MACROD2: variants seen among roughly 807,000 people sequenced by gnomAD.
MACROD2 encodes the protein mono-ADP ribosylhydrolase 2.
In MACROD2, 36 loss-of-function variants were observed where a neutral mutation model predicts 70.4. The observed-to-expected ratio is 0.51, with a 90% CI of 0.39 to 0.68. MACROD2 has a LOEUF of 0.68. Ranked by LOEUF, MACROD2 falls within the 30% of genes least tolerant of loss-of-function variation. MACROD2 has a pLI of 0.00. For synonymous variants in MACROD2, 172 were observed against 178.8 expected (o/e 0.96, Z 0.30); for missense variants, 496 against 538.4 (o/e 0.92, Z 0.78).
intron 15 of MACROD2, among the ~76,000 whole-genome samples, chr20:15,998,407 T>C (rs1028527990): frequency 7.2e-5 from 11 of 152,192 alleles, no homozygotes; most frequent in African/African-American, 2.7e-4. Context: ...TCAGCCATGT[T>C]AGATTGTATG....
intron 5 of MACROD2, among the ~76,000 whole-genome samples, chr20:14,833,170 C>T (rs2072990886): frequency 6.6e-6 from 1 of 152,148 alleles, no homozygotes; most frequent in Admixed American, 6.5e-5. Flanking sequence ...TTGCACTGCA[C>T]AGGTCCAAAG....
At chr20:14,082,233 C>CAGTG (rs991489870) in intron 2 of MACROD2, among the ~76,000 whole-genome samples, 6 of 119,534 alleles carry the variant, frequency 5.0e-5, no homozygotes, top group African/African-American at 2.0e-4. Flanking sequence ...GGCTGGAGTG[C>CAGTG]AGTGGCATGA....
intron 3 of MACROD2, among the ~76,000 whole-genome samples, chr20:14,104,166 C>G (rs975636150): frequency 2.4e-4 from 36 of 152,040 alleles, no homozygotes; most frequent in African/African-American, 8.5e-4. Context: ...TTTTTTTATG[C>G]TTTGTCTTTG....
At chr20:15,588,348 G>A (rs2048631532) in intron 8 of MACROD2, among the ~76,000 whole-genome samples, 1 of 152,192 alleles carries the variant, frequency 6.6e-6, no homozygotes, top group Admixed American at 6.5e-5. Context: ...CTCTGAGCCT[G>A]TGATGGGAGG....
At chr20:14,086,811 A>G (rs1022680268) in intron 3 of MACROD2, among the ~76,000 whole-genome samples, 1 of 152,242 alleles carries the variant, frequency 6.6e-6, no homozygotes, top group Non-Finnish European at 1.5e-5. Context: ...ATTGGTTGCA[A>G]GGTGGTCATC....
At chr20:15,815,355 C>G (rs1036093321) in intron 8 of MACROD2, among the ~76,000 whole-genome samples, 1 of 151,646 alleles carries the variant, frequency 6.6e-6, no homozygotes, top group Non-Finnish European at 1.5e-5. Context: ...TTATATGCCC[C>G]AAGGCTGAAA....
At chr20:15,495,865 G>A (rs998026264) in intron 7 of MACROD2, among the ~76,000 whole-genome samples, 6 of 152,206 alleles carry the variant, frequency 3.9e-5, no homozygotes, top group Non-Finnish European at 1.5e-5. Context: ...CTTTCCTGAA[G>A]AAGTGATCAC....
intron 4 of MACROD2, chr20:14,621,633 C>T (rs1331673963): frequency 6.6e-6 from 1 of 152,102 alleles, no homozygotes; most frequent in Admixed American, 6.6e-5. Flanking sequence ...TTCTAATTTT[C>T]CCACAGTGTT....
chr20:14,131,130 C>T (rs543439636), intron 3 of MACROD2, among the ~76,000 whole-genome samples: 13 of 151,938 alleles, frequency 8.6e-5, no homozygotes, highest in African/African-American at 2.9e-4. Context: ...GTTGCCTGGG[C>T]TATGTTGCTC....
chr20:15,285,315 T>A (rs2077480931), intron 6 of MACROD2, among the ~76,000 whole-genome samples: 1 of 152,188 alleles, frequency 6.6e-6, no homozygotes, highest in African/African-American at 2.4e-5. Context: ...ACCTCAAAGG[T>A]TATTGTTTAA....
chr20:15,032,329 C>A (rs867473208), intron 5 of MACROD2, among the ~76,000 whole-genome samples: 3 of 152,234 alleles, frequency 2.0e-5, no homozygotes, highest in Non-Finnish European at 2.9e-5. Context: ...TCCTGGCCCC[C>A]GTCGGCTCCG....
At chr20:15,904,007 C>G (rs537021872) in intron 10 of MACROD2, among the ~76,000 whole-genome samples, 1 of 152,318 alleles carries the variant, frequency 6.6e-6, no homozygotes, top group South Asian at 2.1e-4. Context: ...TCCGCCACTA[C>G]TGAATCCAGA....
At chr20:16,018,258 C>A (rs551945772) in intron 15 of MACROD2, among the ~76,000 whole-genome samples, 1 of 152,016 alleles carries the variant, frequency 6.6e-6, no homozygotes, top group Admixed American at 6.6e-5. Context: ...GTGAGATCAT[C>A]GGTTTAGGTA....
At chr20:15,843,242 C>T (rs150125077) in intron 8 of MACROD2, among the ~76,000 whole-genome samples, 169 of 152,298 alleles carry the variant, frequency 1.1e-3, no homozygotes, top group African/African-American at 3.9e-3. Context: ...TTCTTATTAA[C>T]TGACTGGGTT....
intron 5 of MACROD2, among the ~76,000 whole-genome samples, chr20:15,177,007 C>T (rs116399127): frequency 0.012 from 1,769 of 152,290 alleles, 29 homozygotes; most frequent in African/African-American, 0.039. Flanking sequence ...GAGCTGGCAC[C>T]TGTGCCAGTG....
At chr20:14,420,946 G>T (rs1173534148) in intron 3 of MACROD2, among the ~76,000 whole-genome samples, 2 of 152,166 alleles carry the variant, frequency 1.3e-5, no homozygotes, top group Admixed American at 1.3e-4. Flanking sequence ...TCCTGCCTTG[G>T]CCTCCCAAAG....
At chr20:15,420,281 A>G (rs574540571) in intron 6 of MACROD2, among the ~76,000 whole-genome samples, 2 of 152,350 alleles carry the variant, frequency 1.3e-5, no homozygotes, top group South Asian at 2.1e-4. Context: ...TTTATACTGC[A>G]TGGAGTCGAA....
At chr20:14,031,449 A>T (rs1458310288) in intron 2 of MACROD2, among the ~76,000 whole-genome samples, 2 of 152,150 alleles carry the variant, frequency 1.3e-5, no homozygotes, top group Admixed American at 1.3e-4. Flanking sequence ...CTTAAAATGG[A>T]TTCTAATTAG....
intron 5 of MACROD2, among the ~76,000 whole-genome samples, chr20:15,076,521 G>A (rs1476388541): frequency 6.6e-6 from 1 of 152,024 alleles, no homozygotes; most frequent in Non-Finnish European, 1.5e-5. Flanking sequence ...AAGTATTACT[G>A]TTATTATCAT....
Sources: gnomAD v4.1 joint callset for allele counts (sites outside exome capture counted in the v4.1 genomes callset) on GRCh38, gnomAD v4.1.1 for gene constraint, MANE v1.5 for transcripts, NCBI Gene and HGNC (gene_info 2026-07-23, HGNC 2026-07-21) for gene names.